Variants in ARHGAP15 observed in about 807,000 individuals in gnomAD.
The protein encoded by ARHGAP15 is rho GTPase-activating protein 15.
A neutral mutation model predicts 63.7 loss-of-function variants in ARHGAP15; 51 were observed. The observed-to-expected ratio is 0.80, with a 90% CI of 0.64 to 1.01. ARHGAP15 has a LOEUF of 1.01. Ranked by LOEUF, ARHGAP15 falls within the 50% of genes least tolerant of loss-of-function variation. The pLI is 0.00. For synonymous variants in ARHGAP15, 191 were observed against 193.8 expected (o/e 0.99, Z 0.12); for missense variants, 560 against 564.6 (o/e 0.99, Z 0.08).
chr2:143,738,960 T>A (rs1259170920), intron 13 of ARHGAP15, among the ~76,000 whole-genome samples: 1 of 152,184 alleles, frequency 6.6e-6, no homozygotes, highest in Non-Finnish European at 1.5e-5. Context: ...TGAATGATCA[T>A]GGATCATTTT....
chr2:143,300,554 G>A (rs1264741198), intron 6 of ARHGAP15, among the ~76,000 whole-genome samples: 1 of 151,934 alleles, frequency 6.6e-6, no homozygotes, highest in Non-Finnish European at 1.5e-5. Context: ...TGTAAGCACT[G>A]GGGGTTCTTG....
intron 9 of ARHGAP15, among the ~76,000 whole-genome samples, chr2:143,499,101 G>T (rs1192667760): frequency 2.6e-5 from 4 of 152,156 alleles, no homozygotes; most frequent in Admixed American, 6.5e-5. Context: ...TGACTAAAAA[G>T]TTAAATGCAC....
intron 13 of ARHGAP15, among the ~76,000 whole-genome samples, chr2:143,730,476 T>C (rs1427366959): frequency 6.6e-6 from 1 of 152,172 alleles, no homozygotes; most frequent in African/African-American, 2.4e-5. Flanking sequence ...GGCTTAAATA[T>C]CCTAAGCCCC....
intron 13 of ARHGAP15, among the ~76,000 whole-genome samples, chr2:143,708,040 G>A (rs72994459): frequency 1.3e-3 from 203 of 152,236 alleles, no homozygotes; most frequent in African/African-American, 4.6e-3. Flanking sequence ...GAAGTTAAGG[G>A]AACAAAGAAA....
intron 13 of ARHGAP15, among the ~76,000 whole-genome samples, chr2:143,760,377 TA>T (rs1686719441): frequency 6.6e-6 from 1 of 152,202 alleles, no homozygotes; most frequent in Non-Finnish European, 1.5e-5. Context: ...TTTTTGGTAT[TA>T]TCTACTATGT....
At chr2:143,664,744 G>C (rs866506098) in intron 12 of ARHGAP15, among the ~76,000 whole-genome samples, 1 of 152,068 alleles carries the variant, frequency 6.6e-6, no homozygotes, top group African/African-American at 2.4e-5. Context: ...TATCACCACC[G>C]ATCCCACAGA....
intron 10 of ARHGAP15, among the ~76,000 whole-genome samples, chr2:143,552,905 G>A (rs549408717): frequency 6.6e-6 from 1 of 152,206 alleles, no homozygotes; most frequent in East Asian, 1.9e-4. Context: ...GCACAAAAGA[G>A]GTACCTTGAA....
intron 12 of ARHGAP15, among the ~76,000 whole-genome samples, chr2:143,674,887 G>C (rs1225844780): frequency 6.6e-6 from 1 of 152,124 alleles, no homozygotes; most frequent in East Asian, 1.9e-4. Flanking sequence ...GTGGGGGGTT[G>C]CTGAAGGTTG....
intron 8 of ARHGAP15, among the ~76,000 whole-genome samples, chr2:143,485,011 T>C (rs1376417224): frequency 2.0e-5 from 3 of 152,166 alleles, no homozygotes; most frequent in African/African-American, 7.2e-5. Context: ...CTTGCCTAAA[T>C]TACCCTAAGA....
chr2:143,475,558 A>G (rs1691773517), intron 8 of ARHGAP15, among the ~76,000 whole-genome samples: 1 of 152,214 alleles, frequency 6.6e-6, no homozygotes, highest in Non-Finnish European at 1.5e-5. Context: ...GGAGGCTACC[A>G]CTCTGACAAC....
rs543606280 is a variant in ARHGAP15 at position 143,568,223 on chromosome 2, G to A, written c.1003+11738G>A. ...CACAGCAAAAGAAACTACCATCAGAGTGAACAGGCAACCTACAGAATGGGA... is the reference window on the plus strand; with the variant it reads ...CACAGCAAAAGAAACTACCATCAGAATGAACAGGCAACCTACAGAATGGGA... On this transcript the variant is annotated intron_variant, in intron 11 of 13. Transcript: ENST00000295095. 2.8e-4 allele frequency among the ~76,000 whole-genome samples: 42 copies of A among 152,246 alleles called. 1 individual carries two copies. The South Asian group carries it at 3.7e-3, about 14-fold the overall frequency.
rs114164463 is a variant in ARHGAP15 at position 143,331,106 on chromosome 2, G to A, written c.474+80506G>A. 8.6e-3 allele frequency among the ~76,000 whole-genome samples: 1,304 copies of A among 152,258 alleles called. 20 individuals carry two copies. The highest frequency in any genetic ancestry group is 0.03 in the African/African-American group (1,241 of 41,546). ...GCTAGGAAGATCAGATGTGAATGAA[G>A]GAGTTTCCCAACTATGAGCCCACAC... is the stretch of plus-strand genomic sequence containing the variant. On this transcript the variant is annotated intron_variant, in intron 6 of 13. Coordinates refer to ENST00000295095, the MANE Select transcript of ARHGAP15 (RefSeq NM_018460.4).
intron 6 of ARHGAP15, among the ~76,000 whole-genome samples, chr2:143,292,343 G>A (rs1682443064): frequency 6.6e-6 from 1 of 151,986 alleles, no homozygotes; most frequent in Non-Finnish European, 1.5e-5. Flanking sequence ...TATAATGCAG[G>A]AAGATGCCAA....
At chr2:143,534,840 C>T (rs1226848359) in intron 10 of ARHGAP15, among the ~76,000 whole-genome samples, 1 of 151,580 alleles carries the variant, frequency 6.6e-6, no homozygotes, top group Non-Finnish European at 1.5e-5. Context: ...GTGATCATAC[C>T]ACTGCACTCT....
At chr2:143,732,910 G>GTTTTTT (rs35876339) in intron 13 of ARHGAP15, among the ~76,000 whole-genome samples, 1 of 122,012 alleles carries the variant, frequency 8.2e-6, no homozygotes, top group African/African-American at 3.1e-5. Context: ...TTGTTTTTGG[G>GTTTTTT]TTTTTTTTTT....
chr2:143,616,880 A>G (rs1384511603), intron 11 of ARHGAP15, among the ~76,000 whole-genome samples: 1 of 152,226 alleles, frequency 6.6e-6, no homozygotes, highest in Non-Finnish European at 1.5e-5. Context: ...GACCATAGAC[A>G]GTTGATTGGA....
At chr2:143,394,815 G>T (rs1056768012) in intron 6 of ARHGAP15, among the ~76,000 whole-genome samples, 2 of 152,104 alleles carry the variant, frequency 1.3e-5, no homozygotes, top group African/African-American at 4.8e-5. Context: ...ATGATAAAAT[G>T]AGTTTTCAGA....
At chr2:143,148,964 G>A (rs907258573) in intron 1 of ARHGAP15, among the ~76,000 whole-genome samples, 1 of 152,046 alleles carries the variant, frequency 6.6e-6, no homozygotes, top group African/African-American at 2.4e-5. Flanking sequence ...GTTAATTACT[G>A]ACCTGTCAGG....
intron 6 of ARHGAP15, among the ~76,000 whole-genome samples, chr2:143,431,569 T>G (rs1396175381): frequency 3.3e-5 from 5 of 152,054 alleles, no homozygotes; most frequent in Non-Finnish European, 7.4e-5. Flanking sequence ...TTTCATGATG[T>G]AAATGTGCCT....
Sources: allele counts gnomAD v4.1 joint callset (sites outside exome capture counted in the v4.1 genomes callset), GRCh38; gene constraint gnomAD v4.1.1; transcripts MANE v1.5; gene names NCBI Gene and HGNC (gene_info 2026-07-23, HGNC 2026-07-21).